The following SPG11 variants were observed in gnomAD, a reference collection of about 807,000 sequenced individuals.
SPG11 encodes the protein SPG11 vesicle trafficking associated, spatacsin.
Under a neutral mutation model 274.0 loss-of-function variants are expected in SPG11, and 222 were observed. The observed-to-expected ratio is 0.81, with a 90% confidence interval of 0.73 to 0.91. The LOEUF is 0.91. SPG11 is among the 40% of genes least tolerant of loss of function. The pLI is 0.00. For missense variants in SPG11, 3,114 were observed against 2,872.7 expected, an observed-to-expected ratio of 1.08 and a Z score of -1.92; for synonymous variants, 1,144 against 1,039.7, an observed-to-expected ratio of 1.10 and a Z score of -1.93.
chr15:44,619,861 T>C (rs1381033031), intron 15 of SPG11, among the ~76,000 whole-genome samples: 7 of 151,578 alleles, frequency 4.6e-5, no homozygotes, highest in Non-Finnish European at 8.8e-5. Flanking sequence ...TAGTTGGGAG[T>C]ACCCGGCATT....
chr15:44,654,959 T>A (rs1471424194), intron 4 of SPG11, among the ~76,000 whole-genome samples: 1 of 152,250 alleles, frequency 6.6e-6, no homozygotes, highest in African/African-American at 2.4e-5. Context: ...CAGTATTAAA[T>A]AACTGCATAT....
chr15:44,602,797 A>G (rs577220210), intron 20 of SPG11, among the ~76,000 whole-genome samples: 30 of 152,108 alleles, frequency 2.0e-4, no homozygotes, highest in Non-Finnish European at 4.1e-4. Context: ...TTTGTCTTTC[A>G]TTCTGTTAAT....
In SPG11 at chr15:44,598,793, A is replaced by C. The variant is rs1454224231; in HGVS notation, c.3730T>G (p.Ser1244Ala). Residue 1244 changes from serine (S) to alanine (A), a missense_variant, in exon 22 of 40, where the codon TCC (serine) becomes GCC (alanine). By Grantham distance (99) the Ser-to-Ala change is moderately conservative. Transcript: ENST00000261866. ...GNEAYVIGLS[S>A]FHIPSIGAAC... ...GCTCCTATTGAAGGTATGTGGAAGG[A>C]GGAGAGCCCTATAACATAGGCTTCA... 6.2e-7 allele frequency: 1 copy of C among 1,614,126 alleles called. No homozygotes were observed. The highest frequency in any genetic ancestry group is 1.3e-5 in the African/African-American group (1 of 74,944).
chr15:44,578,735 A>G (rs904691687), intron 30 of SPG11, among the ~76,000 whole-genome samples: 20 of 152,260 alleles, frequency 1.3e-4, no homozygotes, highest in African/African-American at 4.6e-4. Context: ...ATGCACAGGC[A>G]GTGGTTTGGA....
At chr15:44,616,615 AT>A (rs2083598482) in intron 15 of SPG11, among the ~76,000 whole-genome samples, 1 of 152,078 alleles carries the variant, frequency 6.6e-6, no homozygotes, top group African/African-American at 2.4e-5. Flanking sequence ...TCTCTACCTT[AT>A]TTCTTCTACC....
At chr15:44,566,836 AT>A (rs1836808003) in intron 36 of SPG11, among the ~76,000 whole-genome samples, 2 of 151,766 alleles carry the variant, frequency 1.3e-5, no homozygotes, top group Admixed American at 1.3e-4. Flanking sequence ...AGTAGTTGGG[AT>A]TACAGGTGCA....
rs2083208475 is a variant in SPG11, at chr15:44,602,153, C to T, written c.3521-1521G>A. Among the ~76,000 whole-genome samples the T allele has an allele frequency of 2.6e-5, 4 of 152,230 alleles. No homozygotes were observed. The South Asian group carries it at 8.3e-4, about 32-fold the overall frequency. On this transcript the variant is annotated intron_variant, in intron 20 of 39. Coordinates refer to ENST00000261866, the MANE Select transcript of SPG11 (RefSeq NM_025137.4). ...AGGATTTTCTATATACAAAATCATG[C>T]CATCTGCAAACAATGACAACTTCAC...
chr15:44,618,377 G>A lies in SPG11; in HGVS notation c.2834+1813C>T, dbSNP rs943622706. On this transcript the variant is annotated intron_variant, in intron 15 of 39. Transcript: ENST00000261866. The stretch of plus-strand genomic sequence containing the variant: ...CAAAAGAAAAAAAAAAATTAGCCAG[G>A]CGTGGTGGCGGGCGCCTGTAGTCCC... Among the ~76,000 whole-genome samples, 5 of 151,484 alleles carry A rather than the reference G, an allele frequency of 3.3e-5. No homozygotes were observed. The East Asian group carries it at 9.7e-4, about 29-fold the overall frequency.
chr15:44,584,146 T>C lies in SPG11; in HGVS notation c.5534A>G (p.Lys1845Arg). Residue 1845 changes from lysine to arginine, a missense_variant, in exon 30 of 40, where the codon AAG (lysine) becomes AGG (arginine). Physicochemically the swap from Lys to Arg is conservative, Grantham distance 26 (BLOSUM62 2). Transcript: ENST00000261866. ...DSLASEFSFSKLAALNTSKYL... is the reference protein window; with the variant it reads ...DSLASEFSFSRLAALNTSKYL... ...TTTTGATGTGTTCAGAGCAGCCAAC[T>C]TGGAGAAGGAAAACTCACTGGCTAA... 4 of 1,614,206 alleles carry C rather than the reference T, an allele frequency of 2.5e-6. No homozygotes were observed. The highest frequency in any genetic ancestry group is 3.4e-6 in the Non-Finnish European group (4 of 1,180,040).
In SPG11 at chr15:44,657,221, T is replaced by G; in HGVS notation, c.743A>C (p.Glu248Ala). The part of the protein sequence containing the change: ...LALHKEDMCN[E>A]QQQEPAKISS... Reference sequence around the variant, plus strand: ...AATCTTGGCTGGCTCCTGTTGCTGCTCATTACACATGTCTTCTTTGTGAAG... The same window carrying G: ...AATCTTGGCTGGCTCCTGTTGCTGCGCATTACACATGTCTTCTTTGTGAAG... The change falls in exon 4 of 40, where the codon GAG becomes GCG. Residue 248 changes from glutamate (E) to alanine (A), a missense_variant. Coordinates refer to ENST00000261866, the MANE Select transcript of SPG11 (RefSeq NM_025137.4). 1 of 1,614,212 alleles carries G rather than the reference T, an allele frequency of 6.2e-7. No individual in the cohort carries two copies. The highest frequency in any genetic ancestry group is 8.5e-7 in the Non-Finnish European group (1 of 1,180,038).
intron 4 of SPG11, among the ~76,000 whole-genome samples, chr15:44,653,425 T>A (rs1460628309): frequency 6.6e-6 from 1 of 152,124 alleles, no homozygotes; most frequent in Non-Finnish European, 1.5e-5. Context: ...GAGAAAATAG[T>A]TCCCCCATCA....
chr15:44,602,803 T>C (rs1329565339), intron 20 of SPG11, among the ~76,000 whole-genome samples: 1 of 152,160 alleles, frequency 6.6e-6, no homozygotes, highest in Non-Finnish European at 1.5e-5. Flanking sequence ...TTTCATTCTG[T>C]TAATGTGGTG....
chr15:44,633,340 AAAAAAAAAAAAAAAAAAAAAAAG>A, intron 8 of SPG11, 142 bp downstream of exon 8: 4 of 222,684 alleles, frequency 1.8e-5, no homozygotes, highest in African/African-American at 3.4e-5. Context: ...AAAAAAAAAA[AAAAAAAAAAAAAAAAAAAAAAAG>A]AAAGTTTCCA....
In SPG11 at chr15:44,657,206, G is replaced by A. The variant is rs1266603748; in HGVS notation, c.758C>T (p.Pro253Leu). The A allele has an allele frequency of 6.2e-7, 1 of 1,614,176 alleles. No homozygotes were observed. The highest frequency in any genetic ancestry group is 1.1e-5 in the South Asian group (1 of 91,088). The change falls in exon 4 of 40, where the codon CCA becomes CTA. Residue 253 changes from proline to leucine, a missense_variant. By Grantham distance (98) the Pro-to-Leu change is moderately conservative. Transcript: ENST00000261866. ...EDMCNEQQQE[P>L]AKISSFTSLK... ...TGAAGTAAATGAAGAAATCTTGGCT[G>A]GCTCCTGTTGCTGCTCATTACACAT... is the stretch of plus-strand genomic sequence containing the variant.
In SPG11 at chr15:44,625,590, A is replaced by G. The variant is rs563166931; in HGVS notation, c.2244+741T>C. ...ACTGTAAGTTTCCTGAGGCCTCCCC[A>G]GCCATGCTTCTTGTATAGCCTGTGG... is the stretch of plus-strand genomic sequence containing the variant. On this transcript the variant is annotated intron_variant, in intron 11 of 39. Coordinates refer to ENST00000261866, the MANE Select transcript of SPG11 (RefSeq NM_025137.4). 7.9e-5 allele frequency among the ~76,000 whole-genome samples: 12 copies of G among 152,268 alleles called. No individual in the cohort carries two copies. The East Asian group carries it at 2.3e-3, about 29-fold the overall frequency.
chr15:44,562,780 A>T lies in SPG11; in HGVS notation c.*341T>A, dbSNP rs978854154. 3 of 238,652 alleles carry T rather than the reference A, an allele frequency of 1.3e-5. No individual in the cohort carries two copies. The Admixed American group carries it at 1.5e-4, about 12-fold the overall frequency. 14.8% of individuals were successfully genotyped at this position (238,652 alleles called of 1,614,324 possible). ...CCTGTTCCTTAACTGTGTAAATAAT[A>T]ATTAAATTTCTTTGAAACTGGAATC... is the stretch of plus-strand genomic sequence containing the variant. On this transcript the variant is annotated 3_prime_UTR_variant, in exon 40 of 40. Transcript: ENST00000261866.
chr15:44,628,888 A>C (rs746900169), intron 9 of SPG11, 44 bp from the exon 10 acceptor site: 2 of 1,536,408 alleles, frequency 1.3e-6, no homozygotes, highest in Non-Finnish European at 1.8e-6. Flanking sequence ...GTGTGTGTAA[A>C]TATAAACCAT....
intron 1 of SPG11, among the ~76,000 whole-genome samples, chr15:44,662,882 G>A (rs945279874): frequency 5.3e-5 from 8 of 152,314 alleles, no homozygotes; most frequent in Middle Eastern, 3.4e-3. Context: ...CACAATATTT[G>A]CTGAATAAAT....
intron 15 of SPG11, among the ~76,000 whole-genome samples, chr15:44,618,817 C>CA (rs77091158): frequency 0.023 from 3,018 of 130,822 alleles, 109 homozygotes; most frequent in African/African-American, 0.077. Context: ...GACTCCATCT[C>CA]AAAAAAAAAA....
Sources: allele counts gnomAD v4.1 joint callset (sites outside exome capture counted in the v4.1 genomes callset), GRCh38; gene constraint gnomAD v4.1.1; transcripts MANE v1.5; gene names NCBI Gene and HGNC (gene_info 2026-07-23, HGNC 2026-07-21).